The following ORC5 variants were observed in gnomAD, a reference collection of about 807,000 sequenced individuals.
ORC5 encodes the protein protein phosphatase 1, regulatory subunit 117.
In ORC5, 39 loss-of-function variants were observed where a neutral mutation model predicts 58.8. That is an observed-to-expected ratio of 0.66 (90% CI 0.51 to 0.87). ORC5 has a LOEUF of 0.87. Ranked by LOEUF, ORC5 falls within the 40% of genes least tolerant of loss-of-function variation. The pLI, the probability that ORC5 is intolerant of heterozygous loss-of-function variation, is 0.00. For synonymous variants in ORC5, 218 were observed against 177.6 expected (o/e 1.23, Z -1.81); for missense variants, 493 against 506.3 (o/e 0.97, Z 0.25).
At chr7:104,169,142 A>C (rs1799162633) in intron 8 of ORC5, among the ~76,000 whole-genome samples, 2 of 152,218 alleles carry the variant, frequency 1.3e-5, no homozygotes, top group South Asian at 2.1e-4. Context: ...TAAAACTCCC[A>C]ATGTTCTAGT....
At chr7:104,134,361 G>A (rs1748327579) in intron 13 of ORC5, among the ~76,000 whole-genome samples, 1 of 133,952 alleles carries the variant, frequency 7.5e-6, no homozygotes, top group African/African-American at 2.8e-5. Context: ...GTTGCAGTGA[G>A]CCAAGATCGC....
chr7:104,160,564 T>TA (rs568395094), intron 12 of ORC5, among the ~76,000 whole-genome samples: 3 of 152,194 alleles, frequency 2.0e-5, no homozygotes, highest in Admixed American at 6.5e-5. Context: ...TTGTTTTTTT[T>TA]AAAGTCATAT....
chr7:104,138,543 T>G lies in ORC5; in HGVS notation c.1150-1650A>C, dbSNP rs983408307. On this transcript the variant is annotated intron_variant, in intron 12 of 13. Coordinates refer to ENST00000297431, the MANE Select transcript of ORC5 (RefSeq NM_002553.4). This position sits in a 1 kb window ranked among gnomAD's most constrained non-coding sequence, Gnocchi z 4.7. ...TTTTTTTTCTGAGGCAGGGTCTCACTCCATTATCCATGCTGGATTGCAGTG... is the reference window on the plus strand; with the variant it reads ...TTTTTTTTCTGAGGCAGGGTCTCACGCCATTATCCATGCTGGATTGCAGTG... Among the ~76,000 whole-genome samples, 2 of 151,816 alleles carry G rather than the reference T, an allele frequency of 1.3e-5. No individual in the cohort carries two copies. Among genetic ancestry groups the G allele is most frequent in the Admixed American group, 1.3e-4 (2 of 15,240 alleles).
At chr7:104,201,031 T>G (rs1428863768) in intron 2 of ORC5, 73 bp from the exon 3 acceptor site, 11 of 1,298,626 alleles carry the variant, frequency 8.5e-6, no homozygotes, top group Non-Finnish European at 1.2e-5. Context: ...TGCTGGATAG[T>G]CTCCATTTGC....
At position 104,207,831 on chromosome 7, in the gene ORC5, A is replaced by C. The variant is rs1800132244; in HGVS notation, c.72+2T>G. On this transcript the variant is annotated splice_donor_variant, in intron 1 of 13. Coordinates refer to ENST00000297431, the MANE Select transcript of ORC5 (RefSeq NM_002553.4). LOFTEE classifies it high-confidence loss of function. ...ATCTGGAAGACAGTTTAACTACAAT[A>C]CCTCTCCAAACAAGGACTGCAAGAT... 1.9e-6 allele frequency: 3 copies of C among 1,613,260 alleles called. No individual in the cohort carries two copies. The highest frequency in any genetic ancestry group is 2.5e-6 in the Non-Finnish European group (3 of 1,179,214).
intron 8 of ORC5, 54 bp from the exon 9 acceptor site, chr7:104,168,579 G>A: frequency 5.0e-6 from 6 of 1,210,354 alleles, no homozygotes; most frequent in Non-Finnish European, 6.9e-6. Context: ...AATCAATATG[G>A]TGTACTTAAA....
At chr7:104,207,623 G>A (rs1389860133) in intron 1 of ORC5, among the ~76,000 whole-genome samples, 1 of 152,198 alleles carries the variant, frequency 6.6e-6, no homozygotes, top group Non-Finnish European at 1.5e-5. Context: ...ACGTCCTATA[G>A]TGCAGGCCGG....
intron 8 of ORC5, among the ~76,000 whole-genome samples, chr7:104,182,163 T>C (rs1799447279): frequency 6.6e-6 from 1 of 152,188 alleles, no homozygotes; most frequent in South Asian, 2.1e-4. Flanking sequence ...GCCTTATACA[T>C]TGAAGCTAGA....
chr7:104,128,148 A>G (rs752170577), intron 13 of ORC5, among the ~76,000 whole-genome samples: 1 of 152,202 alleles, frequency 6.6e-6, no homozygotes, highest in Non-Finnish European at 1.5e-5. Context: ...TTTGAGATGG[A>G]GTCTTGCTCT....
At chr7:104,144,237 T>G (rs1665366258) in intron 12 of ORC5, among the ~76,000 whole-genome samples, 1 of 152,180 alleles carries the variant, frequency 6.6e-6, no homozygotes, top group Admixed American at 6.6e-5. Context: ...AGCACAAAGA[T>G]TAATTAGTGG....
rs1051969096 is a variant in ORC5 at position 104,173,690 on chromosome 7, T to C, written c.825-5165A>G. On this transcript the variant is annotated intron_variant, in intron 8 of 13. Transcript: ENST00000297431. ...CTTTTTGCCTTTTCTGGCAATCCCT[T>C]TCTGGTAAGGACAAGTGTCCTTCTG... is the stretch of plus-strand genomic sequence containing the variant. Among the ~76,000 whole-genome samples, 3 of 152,166 alleles carry C rather than the reference T, an allele frequency of 2.0e-5. No homozygotes were observed. The South Asian group carries it at 6.2e-4, about 31-fold the overall frequency.
Position 104,127,310 on chromosome 7 carries a change from T to A in ORC5, c.1263-417A>T, listed in dbSNP as rs190635574. On this transcript the variant is annotated intron_variant, in intron 13 of 13. Coordinates refer to ENST00000297431, the MANE Select transcript of ORC5 (RefSeq NM_002553.4). ...CCGAGACACCTGTTTTGTCATTACA[T>A]AATGCATAGCTCATCTGTCCTCATT... Among the ~76,000 whole-genome samples the A allele has an allele frequency of 2.0e-3, 309 of 152,364 alleles. 1 individual carries two copies. Among genetic ancestry groups the A allele is most frequent in the African/African-American group, 6.7e-3 (278 of 41,590 alleles).
chr7:104,166,972 T>C, intron 9 of ORC5, 88 bp from the exon 10 acceptor site: 2 of 717,824 alleles, frequency 2.8e-6, no homozygotes, highest in Non-Finnish European at 2.4e-6. Context: ...CATTTCCATA[T>C]GGTATTCTCT....
Position 104,161,103 on chromosome 7 carries a change from C to G in ORC5, c.1118G>C (p.Arg373Thr), listed in dbSNP as rs1294950507. Residue 373 changes from arginine (R) to threonine (T), a missense_variant, in exon 12 of 14, where the codon AGA becomes ACA. Transcript: ENST00000297431. Reference sequence around the variant, plus strand: ...AAAAATATTTGCTGTTGGAGCAACTCTGCTGTCCACGATACTATATAATAT... The same window carrying G: ...AAAAATATTTGCTGTTGGAGCAACTGTGCTGTCCACGATACTATATAATAT... ...LAILYSIVDS[R>T]VAPTANIFSQ... 2.5e-6 allele frequency: 4 copies of G among 1,604,882 alleles called. No individual in the cohort carries two copies. Among genetic ancestry groups the G allele is most frequent in the Non-Finnish European group, 2.6e-6 (3 of 1,172,020 alleles).
chr7:104,154,115 C>A (rs189046863), intron 12 of ORC5, among the ~76,000 whole-genome samples: 1 of 151,998 alleles, frequency 6.6e-6, no homozygotes, highest in African/African-American at 2.4e-5. Context: ...AGCCATGTAA[C>A]TTTTTAAGAA....
At chr7:104,140,938 A>G (rs74898284) in intron 12 of ORC5, among the ~76,000 whole-genome samples, 2,204 of 152,338 alleles carry the variant, frequency 0.014, 52 homozygotes, top group African/African-American at 0.05. Context: ...TGCTAGATTC[A>G]AATTGTTAAT....
At chr7:104,142,371 A>T (rs1277161951) in intron 12 of ORC5, among the ~76,000 whole-genome samples, 2 of 152,198 alleles carry the variant, frequency 1.3e-5, no homozygotes, top group Non-Finnish European at 2.9e-5. Flanking sequence ...CACAGGAAAC[A>T]AAAGCAAAAA....
intron 12 of ORC5, among the ~76,000 whole-genome samples, chr7:104,147,596 G>A (rs1404775398): frequency 2.6e-5 from 4 of 152,064 alleles, no homozygotes; most frequent in African/African-American, 9.7e-5. Context: ...CATCATAAAA[G>A]GACAATTGGC....
At chr7:104,195,605 G>A (rs1221864954) in intron 4 of ORC5, among the ~76,000 whole-genome samples, 1 of 152,106 alleles carries the variant, frequency 6.6e-6, no homozygotes, top group Non-Finnish European at 1.5e-5. Flanking sequence ...TGCCCAGGCT[G>A]GTCTTGAACT....
Sources: gnomAD v4.1 joint callset for allele counts (sites outside exome capture counted in the v4.1 genomes callset) on GRCh38, gnomAD v4.1.1 for gene constraint, Gnocchi (gnomAD v3.1) non-coding constraint, MANE v1.5 for transcripts, NCBI Gene and HGNC (gene_info 2026-07-23, HGNC 2026-07-21) for gene names.